Variants in GNAT3 observed in about 807,000 individuals in gnomAD.
The protein encoded by GNAT3 is G protein subunit alpha transducin 3, also known as guanine nucleotide-binding protein G(t) subunit alpha-3.
In GNAT3, 31 loss-of-function variants were observed where a neutral mutation model predicts 37.7. The ratio of observed to expected loss-of-function variants is 0.82; its 90% CI spans 0.62 to 1.11. GNAT3 has a LOEUF of 1.11. Among genes scored for constraint, GNAT3 ranks in the 50% most tolerant of loss-of-function variants. The probability of loss-of-function intolerance (pLI) is 0.00; values close to 1 mark genes in which losing one functional copy is unlikely to be tolerated. For missense variants in GNAT3, 437 were observed against 412.5 expected (o/e 1.06, Z -0.51); for synonymous variants, 138 against 139.8 (o/e 0.99, Z 0.09).
At chr7:80,508,500 T>C (rs1367012332) in intron 1 of GNAT3, among the ~76,000 whole-genome samples, 1 of 152,086 alleles carries the variant, frequency 6.6e-6, no homozygotes, top group Admixed American at 6.5e-5. Flanking sequence ...TTTGTTTTTC[T>C]TATTAAAATG....
rs555598705 is a variant in GNAT3 at position 80,511,797 on chromosome 7, AAAAG to A, written c.118+8_118+11del. On this transcript the variant is annotated splice_region_variant and intron_variant, in intron 1 of 7. Transcript: ENST00000398291. ...AGTCAGGTTTTTGAAAGCAAAAGGGAAAAGAAATTACCTAATAGTAGCAGCTTTA... is the reference window on the plus strand; with the variant it reads ...AGTCAGGTTTTTGAAAGCAAAAGGGAAAATTACCTAATAGTAGCAGCTTTA... 174 of 1,563,798 alleles carry A rather than the reference AAAAG, an allele frequency of 1.1e-4. No homozygotes were observed. The highest frequency in any genetic ancestry group is 1.0e-4 in the Admixed American group (6 of 58,204).
intron 2 of GNAT3, among the ~76,000 whole-genome samples, chr7:80,493,934 T>G (rs1030915113): frequency 1.3e-5 from 2 of 151,498 alleles, no homozygotes; most frequent in African/African-American, 4.9e-5. Flanking sequence ...CCTCCTTCTC[T>G]TCCTGCTGTT....
At chr7:80,467,186 TG>T (rs1414631171) in intron 5 of GNAT3, among the ~76,000 whole-genome samples, 1 of 152,272 alleles carries the variant, frequency 6.6e-6, no homozygotes, top group East Asian at 1.9e-4. Context: ...TTAAGTGGCT[TG>T]GCTTTCTCCC....
At chr7:80,493,088 AT>A (rs986723713) in intron 2 of GNAT3, among the ~76,000 whole-genome samples, 1 of 151,894 alleles carries the variant, frequency 6.6e-6, no homozygotes, top group African/African-American at 2.4e-5. Context: ...TTGTTCTCTA[AT>A]TTTGGCTTAA....
chr7:80,478,408 C>G (rs1381937733), intron 4 of GNAT3, among the ~76,000 whole-genome samples: 1 of 152,128 alleles, frequency 6.6e-6, no homozygotes, highest in Non-Finnish European at 1.5e-5. Context: ...AATTTTGTAT[C>G]ATGGTCATCA....
chr7:80,474,694 A>G (rs900401799), intron 4 of GNAT3, among the ~76,000 whole-genome samples: 1 of 152,168 alleles, frequency 6.6e-6, no homozygotes, highest in African/African-American at 2.4e-5. Flanking sequence ...AGGCACCTAA[A>G]TCAACATTGC....
At chr7:80,494,576 T>G in intron 2 of GNAT3, 29 bp downstream of exon 2, 1 of 1,259,856 alleles carries the variant, frequency 7.9e-7, no homozygotes, top group South Asian at 1.3e-5. Context: ...ACATCAAATA[T>G]TAAACACTTG....
intron 1 of GNAT3, among the ~76,000 whole-genome samples, chr7:80,500,967 T>A (rs1790821650): frequency 6.6e-6 from 1 of 152,080 alleles, no homozygotes; most frequent in Non-Finnish European, 1.5e-5. Context: ...GGTTTTTATA[T>A]TTATGTCTGT....
chr7:80,473,498 C>T (rs1790253469), intron 5 of GNAT3, among the ~76,000 whole-genome samples: 1 of 151,944 alleles, frequency 6.6e-6, no homozygotes, highest in Admixed American at 6.6e-5. Context: ...TTGTTTGATA[C>T]AAGAGTAATT....
intron 7 of GNAT3, among the ~76,000 whole-genome samples, chr7:80,461,216 G>T (rs1459042089): frequency 2.6e-5 from 4 of 152,036 alleles, no homozygotes; most frequent in Non-Finnish European, 4.4e-5. Context: ...GCAACCTTAC[G>T]CACCTAAGTG....
At chr7:80,477,574 C>T (rs1790327403) in intron 4 of GNAT3, among the ~76,000 whole-genome samples, 1 of 152,086 alleles carries the variant, frequency 6.6e-6, no homozygotes, top group Non-Finnish European at 1.5e-5. Flanking sequence ...AATTTTTTCT[C>T]TAGAGTTTAT....
At position 80,474,282 on chromosome 7, in the gene GNAT3, T is replaced by A. The variant is rs779307513; in HGVS notation, c.559A>T (p.Thr187Ser). Residue 187 changes from threonine to serine, a missense_variant, in exon 5 of 8, where the codon ACT becomes TCT. Physicochemically the swap from Thr to Ser is moderately conservative, Grantham distance 58 (BLOSUM62 1). Coordinates refer to ENST00000398291, the MANE Select transcript of GNAT3 (RefSeq NM_001102386.3). ...SRVKTTGIIE[T>S]QFSFKDLHFR... is the part of the protein sequence containing the mutation. ...TGCAAGTCTTTAAAGGAGAATTGAG[T>A]TTCAATGATTCCAGTCGTTTTCACT... 6 of 1,600,404 alleles carry A rather than the reference T, an allele frequency of 3.7e-6. No individual in the cohort carries two copies. The highest frequency in any genetic ancestry group is 5.1e-6 in the Non-Finnish European group (6 of 1,172,444).
At chr7:80,492,723 C>G (rs1584188837) in intron 2 of GNAT3, among the ~76,000 whole-genome samples, 1 of 151,286 alleles carries the variant, frequency 6.6e-6, no homozygotes, top group Non-Finnish European at 1.5e-5. Flanking sequence ...ATTTTCCCAG[C>G]TTACTATGTA....
intron 7 of GNAT3, among the ~76,000 whole-genome samples, chr7:80,460,473 C>G (rs1476346860): frequency 6.6e-6 from 1 of 152,080 alleles, no homozygotes; most frequent in Non-Finnish European, 1.5e-5. Context: ...ATGGACTTGG[C>G]CGGGGACGGT....
At chr7:80,479,812 C>A (rs114582478) in intron 3 of GNAT3, among the ~76,000 whole-genome samples, 4 of 150,260 alleles carry the variant, frequency 2.7e-5, no homozygotes, top group Non-Finnish European at 4.4e-5. Flanking sequence ...TTTTTGTCAT[C>A]GGGTTACTGC....
intron 1 of GNAT3, among the ~76,000 whole-genome samples, chr7:80,508,341 A>G (rs1379386730): frequency 6.6e-6 from 1 of 151,992 alleles, no homozygotes; most frequent in Non-Finnish European, 1.5e-5. Flanking sequence ...AAGCATAAAG[A>G]GAGGAGAAAG....
intron 1 of GNAT3, among the ~76,000 whole-genome samples, chr7:80,507,218 A>G (rs1790963493): frequency 6.6e-6 from 1 of 151,980 alleles, no homozygotes; most frequent in Non-Finnish European, 1.5e-5. Context: ...TTGGTGTAAT[A>G]AAATTTCAAA....
rs1340766183 is a variant in GNAT3 at position 80,462,253 on chromosome 7, T to C, written c.780A>G (p.Ser260=). ...FNSICNHKYF[S]TTSIVLFLNK... is the part of the protein sequence containing the mutation. Reference sequence around the variant, plus strand: ...TGAGGAACAGGACAATGGAGGTTGTTGAAAAATACTTGTGATTACAGATAC... The same window carrying C: ...TGAGGAACAGGACAATGGAGGTTGTCGAAAAATACTTGTGATTACAGATAC... The change falls in exon 7 of 8, where the codon TCA becomes TCG. Residue 260 remains serine, a synonymous_variant. Transcript: ENST00000398291. 6.2e-7 allele frequency: 1 copy of C among 1,612,398 alleles called. No homozygotes were observed. The highest frequency in any genetic ancestry group is 2.2e-5 in the East Asian group (1 of 44,822).
At chr7:80,492,014 C>A (rs1191988427) in intron 2 of GNAT3, among the ~76,000 whole-genome samples, 1 of 151,992 alleles carries the variant, frequency 6.6e-6, no homozygotes, top group African/African-American at 2.4e-5. Flanking sequence ...AAAAAAGTAT[C>A]TATTTGATCA....
Sources: gnomAD v4.1 joint callset for allele counts (sites outside exome capture counted in the v4.1 genomes callset) on GRCh38, gnomAD v4.1.1 for gene constraint, MANE v1.5 for transcripts, NCBI Gene and HGNC (gene_info 2026-07-23, HGNC 2026-07-21) for gene names.